RADIL: variants seen among roughly 807,000 people sequenced by gnomAD.
RADIL encodes Rap associating with DIL domain.
A neutral mutation model predicts 97.6 loss-of-function variants in RADIL; 99 were observed. The observed-to-expected ratio is 1.01, with a 90% confidence interval of 0.86 to 1.20. The LOEUF (loss-of-function observed/expected upper bound fraction) is 1.20, where lower values mean the gene tolerates loss of function less well. RADIL is among the 50% of genes most tolerant of loss of function. The probability of loss-of-function intolerance (pLI) is 0.00; values close to 1 mark genes in which losing one functional copy is unlikely to be tolerated. For synonymous variants in RADIL, 803 were observed against 691.8 expected (o/e 1.16, Z -2.52); for missense variants, 1,765 against 1,498.9 (o/e 1.18, Z -2.93).
At chr7:4,853,742 C>CAAA (rs34610093) in intron 2 of RADIL, among the ~76,000 whole-genome samples, 2,175 of 100,958 alleles carry the variant, frequency 0.022, 43 homozygotes, top group Middle Eastern at 0.053. Context: ...AACTCTGTCT[C>CAAA]AAAAAAAAAA....
chr7:4,867,264 A>G lies in RADIL; in HGVS notation c.535+10341T>C, dbSNP rs936397812. Among the ~76,000 whole-genome samples, 5 of 152,192 alleles carry G rather than the reference A, an allele frequency of 3.3e-5. No individual in the cohort carries two copies. The highest frequency in any genetic ancestry group is 1.2e-4 in the African/African-American group (5 of 41,444). ...ATGCTCACCAGGAAATGACATGCAC[A>G]TATGCTCTGTAATCCAGCAGCTCCG... On this transcript the variant is annotated intron_variant, in intron 2 of 14. Transcript: ENST00000399583. This position sits in a 1 kb window ranked among gnomAD's most constrained non-coding sequence, Gnocchi z 4.1.
chr7:4,861,105 T>C (rs756483030), intron 2 of RADIL: 2 of 1,614,248 alleles, frequency 1.2e-6, no homozygotes, highest in Admixed American at 1.7e-5. Context: ...GAATAGATAT[T>C]GTGGCACTTG....
Position 4,873,463 on chromosome 7 carries a change from C to A in RADIL, c.535+4142G>T, listed in dbSNP as rs2115048002. Among the ~76,000 whole-genome samples, 1 of 152,306 alleles carries A rather than the reference C, an allele frequency of 6.6e-6. No homozygotes were observed. On this transcript the variant is annotated intron_variant, in intron 2 of 14. Coordinates refer to ENST00000399583, the MANE Select transcript of RADIL (RefSeq NM_018059.5). This position sits in a 1 kb window ranked among gnomAD's most constrained non-coding sequence, Gnocchi z 4.3. ...GCCACTTTTTCCAGGTGAGATCGAA[C>A]TGTTATCTCACCAGGGATCAGGGAC... is the stretch of plus-strand genomic sequence containing the variant.
intron 2 of RADIL, among the ~76,000 whole-genome samples, chr7:4,844,629 G>A (rs544701768): frequency 5.5e-4 from 83 of 151,992 alleles, no homozygotes; most frequent in Admixed American, 1.7e-3. Context: ...TTTGAGAGAG[G>A]GTCTTGCTCT....
At chr7:4,876,871 C>T (rs550423126) in intron 2 of RADIL, among the ~76,000 whole-genome samples, 8 of 152,334 alleles carry the variant, frequency 5.3e-5, no homozygotes, top group South Asian at 2.1e-4. Context: ...CCTTGCAACC[C>T]GGCAATGCCA....
intron 10 of RADIL, among the ~76,000 whole-genome samples, chr7:4,804,368 C>T (rs1197069813): frequency 6.6e-6 from 1 of 152,222 alleles, no homozygotes; most frequent in East Asian, 1.9e-4. Context: ...CACGGTGACC[C>T]GGGGCTGCGG....
intron 2 of RADIL, among the ~76,000 whole-genome samples, chr7:4,855,494 T>C (rs139261276): frequency 4.7e-4 from 72 of 151,980 alleles, no homozygotes; most frequent in Non-Finnish European, 7.9e-4. Flanking sequence ...CTGTGCTAGA[T>C]AAGACCAAGC....
Position 4,816,231 on chromosome 7 carries a change from T to G in RADIL, c.1963A>C (p.Arg655=). 6.2e-7 allele frequency: 1 copy of G among 1,608,848 alleles called. No homozygotes were observed. Among genetic ancestry groups the G allele is most frequent in the Non-Finnish European group, 8.5e-7 (1 of 1,176,726 alleles). The part of the protein sequence containing the change: ...GTLLLNQLLD[R]GPSLSCFHWP... ...CAACCCTGCACGAGGCCCTCACCCC[T>G]GTCGAGGAGCTGGTTGAGAAGCAGT... Residue 655 remains arginine (R), a synonymous_variant, in exon 8 of 15, where the codon AGG becomes CGG. Transcript: ENST00000399583.
At chr7:4,882,661 T>A (rs987353487) in intron 1 of RADIL, among the ~76,000 whole-genome samples, 1 of 152,146 alleles carries the variant, frequency 6.6e-6, no homozygotes, top group South Asian at 2.1e-4. Flanking sequence ...CTCTCTCCCC[T>A]CCTTCCATGA....
chr7:4,831,279 C>G (rs1285552571), intron 5 of RADIL, among the ~76,000 whole-genome samples: 1 of 151,084 alleles, frequency 6.6e-6, no homozygotes, highest in East Asian at 1.9e-4. Flanking sequence ...AGCAAACTAA[C>G]ACAGGAACAG....
At chr7:4,858,659 ACTT>A (rs1320197378) in intron 2 of RADIL, 4 of 152,598 alleles carry the variant, frequency 2.6e-5, no homozygotes, top group Non-Finnish European at 5.9e-5. Context: ...AATGAACAAA[ACTT>A]CTCATATGCA....
intron 12 of RADIL, among the ~76,000 whole-genome samples, chr7:4,800,605 G>A (rs116883673): frequency 2.8e-3 from 429 of 152,186 alleles, no homozygotes; most frequent in Middle Eastern, 0.01. Flanking sequence ...GGACCCACGC[G>A]GTTCTGTGCC....
chr7:4,861,041 G>C (rs1466175778), intron 2 of RADIL: 2 of 1,614,172 alleles, frequency 1.2e-6, no homozygotes, highest in East Asian at 2.2e-5. Context: ...AAGCTGACAA[G>C]TTCTTGCTAC....
chr7:4,837,083 C>T lies in RADIL; in HGVS notation c.536-478G>A, dbSNP rs964984614. Among the ~76,000 whole-genome samples, 70 of 152,322 alleles carry T rather than the reference C, an allele frequency of 4.6e-4. No individual in the cohort carries two copies. The highest frequency in any genetic ancestry group is 1.6e-3 in the African/African-American group (68 of 41,562). On this transcript the variant is annotated intron_variant, in intron 2 of 14. Coordinates refer to ENST00000399583, the MANE Select transcript of RADIL (RefSeq NM_018059.5). This position sits in a 1 kb window ranked among gnomAD's most constrained non-coding sequence, Gnocchi z 5.6. The stretch of plus-strand genomic sequence containing the variant: ...ACTCAAGGACTCTGCCCTCTAGCCA[C>T]GCCCCTCGAAAAACCAGACAGTGCC...
In RADIL at chr7:4,815,919, G is replaced by A. The variant is rs1289610375; in HGVS notation, c.1966+309C>T. Among the ~76,000 whole-genome samples, 2 of 152,160 alleles carry A rather than the reference G, an allele frequency of 1.3e-5. No homozygotes were observed. Among genetic ancestry groups the A allele is most frequent in the Admixed American group, 6.5e-5 (1 of 15,284 alleles). Reference sequence around the variant, plus strand: ...CCATCCTGGCCCTGACATGTCCACCGGGCAGTTCTGGGACAGTCCAATGAT... The same window carrying A: ...CCATCCTGGCCCTGACATGTCCACCAGGCAGTTCTGGGACAGTCCAATGAT... On this transcript the variant is annotated intron_variant, in intron 8 of 14. Coordinates refer to ENST00000399583, the MANE Select transcript of RADIL (RefSeq NM_018059.5). The surrounding 1 kb of genome is among the most constrained non-coding windows in gnomAD (Gnocchi z 8.0).
At chr7:4,836,033 C>A (rs2115003363) in intron 3 of RADIL, among the ~76,000 whole-genome samples, 1 of 152,354 alleles carries the variant, frequency 6.6e-6, no homozygotes, top group East Asian at 1.9e-4. Flanking sequence ...CTGCCCATGC[C>A]CTTCCCCAGA....
chr7:4,827,530 A>G (rs932047378), intron 5 of RADIL, among the ~76,000 whole-genome samples: 29 of 152,032 alleles, frequency 1.9e-4, no homozygotes, highest in East Asian at 1.5e-3. Context: ...GCGTGGTTGC[A>G]GGCGCCTGTA....
rs577956356 is a variant in RADIL at position 4,825,135 on chromosome 7, G to C, written c.1455-2581C>G. Among the ~76,000 whole-genome samples, 6 of 152,290 alleles carry C rather than the reference G, an allele frequency of 3.9e-5. No homozygotes were observed. In the East Asian group the frequency reaches 1.2e-3, roughly 29 times the overall value. ...AGAGGGCAGAGGGGAAGGGCACTCGGGGGGGGACAGCACAGCCTGGCAGGA... is the reference window on the plus strand; with the variant it reads ...AGAGGGCAGAGGGGAAGGGCACTCGCGGGGGGACAGCACAGCCTGGCAGGA... On this transcript the variant is annotated intron_variant, in intron 5 of 14. Coordinates refer to ENST00000399583, the MANE Select transcript of RADIL (RefSeq NM_018059.5).
At chr7:4,845,048 A>G (rs1783535169) in intron 2 of RADIL, among the ~76,000 whole-genome samples, 1 of 151,974 alleles carries the variant, frequency 6.6e-6, no homozygotes, top group South Asian at 2.1e-4. Flanking sequence ...GTAGGAAAAA[A>G]AAAAGGAAGA....
Sources: gnomAD v4.1 joint callset for allele counts (sites outside exome capture counted in the v4.1 genomes callset) on GRCh38, gnomAD v4.1.1 for gene constraint, Gnocchi (gnomAD v3.1) non-coding constraint, MANE v1.5 for transcripts, NCBI Gene and HGNC (gene_info 2026-07-23, HGNC 2026-07-21) for gene names.